Variants in ABCA13 observed in about 807,000 individuals in gnomAD.
ABCA13 encodes ATP binding cassette subfamily A member 13, also known as ATP-binding cassette sub-family A member 13.
Under a neutral mutation model 478.7 loss-of-function variants are expected in ABCA13, and 476 were observed. The ratio of observed to expected loss-of-function variants is 0.99; its 90% CI spans 0.92 to 1.07. The LOEUF (loss-of-function observed/expected upper bound fraction) is 1.07. Among genes scored for constraint, ABCA13 ranks in the 50% least tolerant of loss-of-function variants. The pLI, the probability that ABCA13 is intolerant of heterozygous loss-of-function variation, is 0.00. For synonymous variants in ABCA13, 2,252 were observed against 2,158.9 expected (o/e 1.04, Z -1.20); for missense variants, 6,060 against 5,910.6 (o/e 1.03, Z -0.83).
At chr7:48,490,448 G>GC (rs1829739897) in intron 48 of ABCA13, among the ~76,000 whole-genome samples, 1 of 152,194 alleles carries the variant, frequency 6.6e-6, no homozygotes, top group Non-Finnish European at 1.5e-5. Flanking sequence ...TAATAATGGG[G>GC]CCATGACTGG....
At chr7:48,517,524 C>T (rs1365842936) in intron 52 of ABCA13, among the ~76,000 whole-genome samples, 1 of 152,176 alleles carries the variant, frequency 6.6e-6, no homozygotes, top group Non-Finnish European at 1.5e-5. Context: ...TAAATGTCAT[C>T]TCCAGCTGGT....
intron 55 of ABCA13, among the ~76,000 whole-genome samples, chr7:48,550,271 T>C: frequency 6.6e-6 from 1 of 151,588 alleles, no homozygotes; most frequent in Admixed American, 6.6e-5. Flanking sequence ...TTTTCTTTTT[T>C]TTGGAAATGG....
At chr7:48,522,408 C>T (rs998721350) in intron 53 of ABCA13, among the ~76,000 whole-genome samples, 2 of 152,156 alleles carry the variant, frequency 1.3e-5, no homozygotes, top group Non-Finnish European at 2.9e-5. Context: ...AGCCCTAGTT[C>T]CTGCCTATTT....
chr7:48,241,148 C>T (rs1790771818), intron 10 of ABCA13, 82 bp downstream of exon 10: 1 of 1,471,674 alleles, frequency 6.8e-7, no homozygotes, highest in African/African-American at 1.4e-5. Context: ...CTGTTAGAAA[C>T]ACATTCTGTA....
intron 9 of ABCA13, 107 bp downstream of exon 9, chr7:48,239,512 T>A: frequency 3.7e-6 from 5 of 1,347,602 alleles, no homozygotes; most frequent in Non-Finnish European, 4.9e-6. Context: ...TTTATGTCCC[T>A]CCAAGGAAAG....
chr7:48,514,444 C>T (rs1402840067), intron 51 of ABCA13, among the ~76,000 whole-genome samples: 1 of 152,162 alleles, frequency 6.6e-6, no homozygotes, highest in Admixed American at 6.6e-5. Flanking sequence ...AGCAATTTGT[C>T]ACGTGCTGTT....
rs187656653 is a variant in ABCA13, at chr7:48,188,321, G to T, written c.70-4638G>T. ...TCTATGTAGTCCTGGAGGTTTCCTC[G>T]AGAGTCAGCCTCATTGTTCACTTTC... On this transcript the variant is annotated intron_variant, in intron 1 of 61. Coordinates refer to ENST00000435803, the MANE Select transcript of ABCA13 (RefSeq NM_152701.5). 3.8e-3 allele frequency among the ~76,000 whole-genome samples: 582 copies of T among 152,256 alleles called. 1 individual carries two copies. The highest frequency in any genetic ancestry group is 5.2e-3 in the African/African-American group (215 of 41,556).
chr7:48,563,119 A>AT (rs565482258), intron 55 of ABCA13, among the ~76,000 whole-genome samples: 6 of 152,162 alleles, frequency 3.9e-5, no homozygotes, highest in Non-Finnish European at 8.8e-5. Flanking sequence ...TATCCAGGCT[A>AT]TAAAAAGGTA....
At chr7:48,346,869 C>G (rs571508470) in intron 29 of ABCA13, among the ~76,000 whole-genome samples, 1 of 152,322 alleles carries the variant, frequency 6.6e-6, no homozygotes, top group South Asian at 2.1e-4. Flanking sequence ...CACCAGTGAC[C>G]TGCACTCCTG....
At chr7:48,189,292 G>T (rs960749785) in intron 1 of ABCA13, among the ~76,000 whole-genome samples, 1 of 152,150 alleles carries the variant, frequency 6.6e-6, no homozygotes, top group Non-Finnish European at 1.5e-5. Flanking sequence ...GAAGAAAAAC[G>T]TGATTAAAAA....
intron 31 of ABCA13, among the ~76,000 whole-genome samples, chr7:48,353,746 A>C (rs778549107): frequency 2.0e-5 from 3 of 151,894 alleles, no homozygotes; most frequent in Admixed American, 6.5e-5. Context: ...CCACAGTGGG[A>C]GGATAAAAGG....
chr7:48,280,616 T>C (rs765334955), intron 18 of ABCA13, among the ~76,000 whole-genome samples: 17 of 149,586 alleles, frequency 1.1e-4, no homozygotes, highest in South Asian at 8.4e-4. Context: ...CCCTGGTCTC[T>C]GTTTCTCCCT....
chr7:48,242,424 G>A (rs545672191), intron 10 of ABCA13, among the ~76,000 whole-genome samples: 3 of 151,180 alleles, frequency 2.0e-5, no homozygotes, highest in East Asian at 2.0e-4. Flanking sequence ...TCCATCTGCT[G>A]TTTTTTTTTC....
rs1211748664 is a variant in ABCA13 at position 48,552,425 on chromosome 7, G to C, written c.14354+24080G>C. ...AAGTTGATGTTGATCAACAGCAATG[G>C]ACAGTAGAATTCTCTCTGCTTACTT... On this transcript the variant is annotated intron_variant, in intron 55 of 61. Transcript: ENST00000435803. 1.3e-5 allele frequency among the ~76,000 whole-genome samples: 2 copies of C among 151,688 alleles called. 1 individual carries two copies. Among genetic ancestry groups the C allele is most frequent in the Non-Finnish European group, 2.9e-5 (2 of 67,826 alleles).
chr7:48,616,026 A>C (rs560288272), intron 59 of ABCA13, among the ~76,000 whole-genome samples: 1 of 152,180 alleles, frequency 6.6e-6, no homozygotes, highest in South Asian at 2.1e-4. Context: ...AAAAAAATTA[A>C]AGTTGCCTAA....
At chr7:48,326,860 C>G (rs1437952532) in intron 27 of ABCA13, among the ~76,000 whole-genome samples, 1 of 152,130 alleles carries the variant, frequency 6.6e-6, no homozygotes, top group Non-Finnish European at 1.5e-5. Flanking sequence ...AGGAGCTGGC[C>G]TTAAGCTGCC....
intron 48 of ABCA13, among the ~76,000 whole-genome samples, chr7:48,495,401 A>G (rs1231821981): frequency 6.6e-6 from 1 of 152,162 alleles, no homozygotes; most frequent in Admixed American, 6.5e-5. Flanking sequence ...GTCAGTGACC[A>G]TACTCTGCAT....
chr7:48,197,552 A>C (rs1249937649), intron 2 of ABCA13, among the ~76,000 whole-genome samples: 4 of 152,132 alleles, frequency 2.6e-5, no homozygotes, highest in African/African-American at 9.7e-5. Flanking sequence ...AAATGATAGA[A>C]AACCAGGTGT....
chr7:48,558,166 C>T (rs1216400621), intron 55 of ABCA13, among the ~76,000 whole-genome samples: 1 of 137,464 alleles, frequency 7.3e-6, no homozygotes, highest in African/African-American at 2.9e-5. Context: ...TCCCTCCCTC[C>T]CTCCCTCCCT....
Sources: gnomAD v4.1 joint callset for allele counts (sites outside exome capture counted in the v4.1 genomes callset) on GRCh38, gnomAD v4.1.1 for gene constraint, MANE v1.5 for transcripts, NCBI Gene and HGNC (gene_info 2026-07-23, HGNC 2026-07-21) for gene names.